SRSF10: variants seen among roughly 807,000 people sequenced by gnomAD.
SRSF10 encodes the protein serine/arginine-rich splicing factor 10.
SRSF10 carries 9 observed loss-of-function variants against 32.6 expected under a neutral mutation model. The observed-to-expected ratio is 0.28, with a 90% CI of 0.17 to 0.48. The LOEUF (loss-of-function observed/expected upper bound fraction) is 0.48. Ranked by LOEUF, SRSF10 falls within the 20% of genes least tolerant of loss-of-function variation. The pLI is 0.99. For missense variants in SRSF10, 201 were observed against 331.8 expected, an observed-to-expected ratio of 0.61 and a Z score of 3.06; for synonymous variants, 105 against 112.4, an observed-to-expected ratio of 0.93 and a Z score of 0.42.
In SRSF10 at chr1:23,967,933, T is replaced by C; in HGVS notation, c.*3209A>G. ...TCCTCTCTCACTGAAGCATTATCTC[T>C]CATTTTTCTTCTTGCTTACTTGGCT... On this transcript the variant is annotated 3_prime_UTR_variant, in exon 6 of 6. Transcript: ENST00000492112. 9 of 1,540,022 alleles carry C rather than the reference T, an allele frequency of 5.8e-6. No individual in the cohort carries two copies. Among genetic ancestry groups the C allele is most frequent in the Non-Finnish European group, 7.9e-6 (9 of 1,144,174 alleles).
intron 3 of SRSF10, among the ~76,000 whole-genome samples, chr1:23,973,796 GAAT>G (rs1479442165): frequency 4.6e-5 from 7 of 152,104 alleles, no homozygotes; most frequent in African/African-American, 1.2e-4. Flanking sequence ...ACCCTAAGTA[GAAT>G]AATAAGGCAT....
chr1:23,971,949 T>C lies in SRSF10; in HGVS notation c.338A>G (p.Tyr113Cys). 1 of 1,590,074 alleles carries C rather than the reference T, an allele frequency of 6.3e-7. No individual in the cohort carries two copies. The change falls in exon 4 of 6, where the codon TAT (tyrosine) becomes TGT (cysteine). Residue 113 changes from tyrosine (Y) to cysteine (C), a missense_variant. This residue lies in a region of SRSF10 where 159 missense variants were observed against 196.7 expected (regional missense o/e 0.81). Coordinates refer to ENST00000492112, the MANE Select transcript of SRSF10 (RefSeq NM_054016.4). ...NVYSSSRYDD[Y>C]DRYRRSRSRS... ...GCTTCTAGAACGTCTGTATCTGTCA[T>C]AATCATCATAGCGTGAAGAACTGTA...
chr1:23,979,237 T>G lies in SRSF10; in HGVS notation c.66-420A>C, dbSNP rs1008769393. Among the ~76,000 whole-genome samples the G allele has an allele frequency of 1.2e-4, 19 of 152,154 alleles. No individual in the cohort carries two copies. In the East Asian group the frequency reaches 3.7e-3, roughly 29 times the overall value. On this transcript the variant is annotated intron_variant, in intron 1 of 5. Coordinates refer to ENST00000492112, the MANE Select transcript of SRSF10 (RefSeq NM_054016.4). ...TAAATAGTTAAGTGTCAAGATGACGTAAAGAGAAAATTTCTCTAGATGCTA... is the reference window on the plus strand; with the variant it reads ...TAAATAGTTAAGTGTCAAGATGACGGAAAGAGAAAATTTCTCTAGATGCTA...
chr1:23,977,249 T>C (rs1037551505), intron 2 of SRSF10: 1 of 152,228 alleles, frequency 6.6e-6, no homozygotes, highest in Admixed American at 6.5e-5. Context: ...TTTCCTAGTC[T>C]GAGGTCCACA....
At position 23,968,395 on chromosome 1, in the gene SRSF10, A is replaced by C. The variant is rs1407156883; in HGVS notation, c.*2747T>G. Among the ~76,000 whole-genome samples the C allele has an allele frequency of 1.3e-5, 2 of 151,672 alleles. No individual in the cohort carries two copies. The highest frequency in any genetic ancestry group is 2.1e-4 in the South Asian group (1 of 4,784). The stretch of plus-strand genomic sequence containing the variant: ...AATTATAGTCTGTAAAACAAACAAA[A>C]CCCCCCCAAAACTAAGGGACCAGGC... On this transcript the variant is annotated 3_prime_UTR_variant, in exon 6 of 6. Coordinates refer to ENST00000492112, the MANE Select transcript of SRSF10 (RefSeq NM_054016.4).
In SRSF10 at chr1:23,970,340, A is replaced by G. The variant is rs1181150819; in HGVS notation, c.*802T>C. 1 of 979,510 alleles carries G rather than the reference A, an allele frequency of 1.0e-6. No individual in the cohort carries two copies. Among genetic ancestry groups the G allele is most frequent in the South Asian group, 4.7e-5 (1 of 21,094 alleles). The allele number at this position is 979,510 out of a possible 1,614,324, so 60.7% of individuals were successfully genotyped here. ...ACTAATCCACACTGCATCAAAAATAATTATCATTGGCCTAGACATCCGGTT... is the reference window on the plus strand; with the variant it reads ...ACTAATCCACACTGCATCAAAAATAGTTATCATTGGCCTAGACATCCGGTT... On this transcript the variant is annotated 3_prime_UTR_variant, in exon 6 of 6. Transcript: ENST00000492112.
intron 2 of SRSF10, chr1:23,976,719 G>A (rs1200652224): frequency 6.6e-6 from 1 of 152,226 alleles, no homozygotes; most frequent in Non-Finnish European, 1.5e-5. Context: ...GGGATAGGAA[G>A]AAAAGGCTAT....
intron 3 of SRSF10, among the ~76,000 whole-genome samples, chr1:23,972,824 C>A (rs1641854708): frequency 6.6e-6 from 1 of 151,776 alleles, no homozygotes; most frequent in African/African-American, 2.4e-5. Context: ...TCACCACAAC[C>A]TCCGTCTCCT....
At position 23,978,757 on chromosome 1, in the gene SRSF10, T is replaced by C. The variant is rs1325673177; in HGVS notation, c.126A>G (p.Pro42=). Residue 42 remains proline (P), a synonymous_variant, in exon 2 of 6, where the codon CCA becomes CCG. Transcript: ENST00000492112. ...TTGGACGGCGAGTGTAGAAATCAAG[T>C]GGAACATACACATCAACTATAGGAC... The part of the protein sequence containing the change: ...RYGPIVDVYV[P]LDFYTRRPRG... The C allele has an allele frequency of 1.9e-6, 3 of 1,613,012 alleles. No homozygotes were observed. The highest frequency in any genetic ancestry group is 1.1e-5 in the South Asian group (1 of 90,972).
intron 4 of SRSF10, 27 bp downstream of exon 4, chr1:23,971,823 G>C (rs1641772986): frequency 1.3e-6 from 2 of 1,576,466 alleles, no homozygotes; most frequent in Non-Finnish European, 1.7e-6. Flanking sequence ...TTTTTAAACA[G>C]ATCACTGTGC....
chr1:23,968,590 A>G lies in SRSF10; in HGVS notation c.*2552T>C, dbSNP rs1173307491. 1.3e-5 allele frequency among the ~76,000 whole-genome samples: 2 copies of G among 152,236 alleles called. No individual in the cohort carries two copies. The highest frequency in any genetic ancestry group is 1.9e-4 in the East Asian group (1 of 5,202). ...ATCATGAATACTTAATAAATTAGCTATAATTGTCATAAAGTAGATAGAATT... is the reference window on the plus strand; with the variant it reads ...ATCATGAATACTTAATAAATTAGCTGTAATTGTCATAAAGTAGATAGAATT... On this transcript the variant is annotated 3_prime_UTR_variant, in exon 6 of 6. Coordinates refer to ENST00000492112, the MANE Select transcript of SRSF10 (RefSeq NM_054016.4).
At chr1:23,971,755 T>A in intron 4 of SRSF10, 95 bp downstream of exon 4, 1 of 1,479,082 alleles carries the variant, frequency 6.8e-7, no homozygotes, top group South Asian at 1.2e-5. Context: ...AAACATTCAA[T>A]GTATATAATT....
chr1:23,972,327 C>T (rs1356642625), intron 3 of SRSF10, among the ~76,000 whole-genome samples: 2 of 151,718 alleles, frequency 1.3e-5, no homozygotes, highest in Admixed American at 6.6e-5. Flanking sequence ...CACTTGAGCT[C>T]ATGAGTTGGT....
chr1:23,974,762 G>A lies in SRSF10; in HGVS notation c.274+212C>T, dbSNP rs1371078795. ...AAGAATCATTTGAACCCGGGAGGTGGTGGTTGCAGTGAGCCAAGATCACAC... is the reference window on the plus strand; with the variant it reads ...AAGAATCATTTGAACCCGGGAGGTGATGGTTGCAGTGAGCCAAGATCACAC... On this transcript the variant is annotated intron_variant, in intron 3 of 5. Transcript: ENST00000492112. Among the ~76,000 whole-genome samples the A allele has an allele frequency of 2.0e-5, 3 of 152,002 alleles. No individual in the cohort carries two copies. The East Asian group carries it at 5.8e-4, about 29-fold the overall frequency.
At position 23,968,037 on chromosome 1, in the gene SRSF10, TA is replaced by T. The variant is rs1345392021; in HGVS notation, c.*3104del. 1 of 1,528,414 alleles carries T rather than the reference TA, an allele frequency of 6.5e-7. No individual in the cohort carries two copies. Among genetic ancestry groups the T allele is most frequent in the African/African-American group, 1.4e-5 (1 of 72,226 alleles). 94.7% of individuals were successfully genotyped at this position (1,528,414 alleles called of 1,614,324 possible). A position where few individuals can be genotyped will look rare whatever the true frequency, so the allele number is the denominator to read the frequency against. The stretch of plus-strand genomic sequence containing the variant: ...GTGTCAGCCCTCATTTGAGTGTTGA[TA>T]TAACCATTCTATTTATCATTGAGCC... On this transcript the variant is annotated 3_prime_UTR_variant, in exon 6 of 6. Coordinates refer to ENST00000492112, the MANE Select transcript of SRSF10 (RefSeq NM_054016.4).
chr1:23,972,016 G>A lies in SRSF10; in HGVS notation c.275-4C>T, dbSNP rs1423700669. 16 of 1,471,190 alleles carry A rather than the reference G, an allele frequency of 1.1e-5. No individual in the cohort carries two copies. Among genetic ancestry groups the A allele is most frequent in the South Asian group, 4.6e-5 (3 of 65,916 alleles). The allele number at this position is 1,471,190 out of a possible 1,614,324, so 91.1% of individuals were successfully genotyped here. A position where few individuals can be genotyped will look rare whatever the true frequency, so the allele number is the denominator to read the frequency against. ...TTGGCTTTCATCTGATTTGGTGCTA[G>A]GAAATACAAAGAACAGAAATATTTA... is the stretch of plus-strand genomic sequence containing the variant. On this transcript the variant is annotated splice_polypyrimidine_tract_variant and splice_region_variant and intron_variant, in intron 3 of 5. Coordinates refer to ENST00000492112, the MANE Select transcript of SRSF10 (RefSeq NM_054016.4).
rs1324795038 is a variant in SRSF10 at position 23,964,879 on chromosome 1, C to G, written c.*6263G>C. The G allele has an allele frequency of 6.6e-6, 1 of 151,946 alleles. No individual in the cohort carries two copies. The highest frequency in any genetic ancestry group is 2.4e-5 in the African/African-American group (1 of 41,440). The allele number at this position is 151,946 out of a possible 1,614,324, so 9.4% of individuals were successfully genotyped here. A position where few individuals can be genotyped will look rare whatever the true frequency, so the allele number is the denominator to read the frequency against. The stretch of plus-strand genomic sequence containing the variant: ...AATGTGATCTGCAAAAAACTAGATA[C>G]AAAGGCCTTTTACTTCTTTACAAAC... On this transcript the variant is annotated 3_prime_UTR_variant, in exon 6 of 6. Coordinates refer to ENST00000492112, the MANE Select transcript of SRSF10 (RefSeq NM_054016.4).
chr1:23,969,009 TCTATAAAGGA>T lies in SRSF10; in HGVS notation c.*2123_*2132del. 5.9e-6 allele frequency: 4 copies of T among 676,584 alleles called. No homozygotes were observed. The highest frequency in any genetic ancestry group is 7.3e-6 in the Non-Finnish European group (4 of 548,150). The allele number at this position is 676,584 out of a possible 1,614,324, so 41.9% of individuals were successfully genotyped here. A position where few individuals can be genotyped will look rare whatever the true frequency, so the allele number is the denominator to read the frequency against. Reference sequence around the variant, plus strand: ...AACAATGATTTAAAATATTCCTAAATCTATAAAGGACTGTTTCCATTGTTATTTTAGAATC... The same window carrying T: ...AACAATGATTTAAAATATTCCTAAATCTGTTTCCATTGTTATTTTAGAATC... On this transcript the variant is annotated 3_prime_UTR_variant, in exon 6 of 6. Coordinates refer to ENST00000492112, the MANE Select transcript of SRSF10 (RefSeq NM_054016.4).
intron 2 of SRSF10, chr1:23,976,788 A>G (rs1642119395): frequency 6.6e-6 from 1 of 152,230 alleles, no homozygotes; most frequent in Non-Finnish European, 1.5e-5. Flanking sequence ...TATCACTCTG[A>G]TGTCAGTCAT....
Sources: gnomAD v4.1 joint callset for allele counts (sites outside exome capture counted in the v4.1 genomes callset) on GRCh38, gnomAD v4.1.1 for gene constraint, gnomAD v4.1.1 regional missense constraint, MANE v1.5 for transcripts, NCBI Gene and HGNC (gene_info 2026-07-23, HGNC 2026-07-21) for gene names.